The following CLSTN1 variants were observed in gnomAD, a reference collection of about 807,000 sequenced individuals.
CLSTN1 encodes calsyntenin 1.
Under a neutral mutation model 108.3 loss-of-function variants are expected in CLSTN1, and 28 were observed. The observed-to-expected ratio is 0.26, with a 90% confidence interval of 0.19 to 0.35. CLSTN1 has a LOEUF of 0.35. Among genes scored for constraint, CLSTN1 ranks in the 10% least tolerant of loss-of-function variants. CLSTN1 has a pLI of 1.00. For missense variants in CLSTN1, 1,157 were observed against 1,302.6 expected, an observed-to-expected ratio of 0.89 and a Z score of 1.72; for synonymous variants, 524 against 534.9, an observed-to-expected ratio of 0.98 and a Z score of 0.28.
chr1:9,798,043 G>A (rs1198254233), intron 1 of CLSTN1, among the ~76,000 whole-genome samples: 4 of 150,832 alleles, frequency 2.7e-5, no homozygotes, highest in African/African-American at 7.3e-5. Context: ...GCAGTGAGCC[G>A]AGATGGTGCC....
chr1:9,744,715 G>A (rs1458284970), intron 7 of CLSTN1, 72 bp from the exon 8 acceptor site: 109 of 1,494,124 alleles, frequency 7.3e-5, no homozygotes, highest in Middle Eastern at 4.9e-4. Flanking sequence ...CCCCAGGCAC[G>A]TGCTTGTCTT....
At chr1:9,770,047 G>A (rs1652595501) in intron 2 of CLSTN1, among the ~76,000 whole-genome samples, 1 of 149,378 alleles carries the variant, frequency 6.7e-6, no homozygotes, top group Non-Finnish European at 1.5e-5. Context: ...AAAAAAAAGG[G>A]TGATTTTTGT....
rs988729970 is a variant in CLSTN1, at chr1:9,734,432, G to A, written c.2111-290C>T. On this transcript the variant is annotated intron_variant, in intron 14 of 18. Transcript: ENST00000377298. The surrounding 1 kb of genome is among the most constrained non-coding windows in gnomAD (Gnocchi z 4.8). The stretch of plus-strand genomic sequence containing the variant: ...TCTACTAAAAATACAAAAATTAACC[G>A]GGCGTTGTGGCAGGTCCCTGTAATC... 2.0e-5 allele frequency among the ~76,000 whole-genome samples: 3 copies of A among 152,064 alleles called. No homozygotes were observed. The highest frequency in any genetic ancestry group is 7.2e-5 in the African/African-American group (3 of 41,410).
chr1:9,765,583 G>GAA (rs112190704), intron 2 of CLSTN1, among the ~76,000 whole-genome samples: 1 of 141,420 alleles, frequency 7.1e-6, no homozygotes. Flanking sequence ...CTCAAAAAAA[G>GAA]AAAAAAAAAA....
At chr1:9,776,894 C>T (rs187085068) in intron 1 of CLSTN1, among the ~76,000 whole-genome samples, 1 of 151,666 alleles carries the variant, frequency 6.6e-6, no homozygotes, top group African/African-American at 2.4e-5. Flanking sequence ...ATCTATCTAT[C>T]TATCTATCTA....
chr1:9,808,416 C>T (rs1437826684), intron 1 of CLSTN1, among the ~76,000 whole-genome samples: 2 of 152,152 alleles, frequency 1.3e-5, no homozygotes, highest in African/African-American at 2.4e-5. Flanking sequence ...TTCTGACAGT[C>T]ACTTTTGGAG....
chr1:9,731,410 C>A lies in CLSTN1; in HGVS notation c.2564-20G>T, dbSNP rs750939437. The A allele has an allele frequency of 1.2e-6, 2 of 1,611,014 alleles. No homozygotes were observed. The highest frequency in any genetic ancestry group is 1.7e-6 in the Non-Finnish European group (2 of 1,177,600). On this transcript the variant is annotated intron_variant, in intron 17 of 18. Coordinates refer to ENST00000377298, the MANE Select transcript of CLSTN1 (RefSeq NM_001009566.3). ...GGACGACTGTGGGAGAATGAGGGGG[C>A]GGGATGCGAGGTCACTCGGCCCAGA...
chr1:9,751,493 G>A lies in CLSTN1; in HGVS notation c.629C>T (p.Pro210Leu), dbSNP rs1370922864. 1.2e-6 allele frequency: 2 copies of A among 1,614,066 alleles called. No individual in the cohort carries two copies. Among genetic ancestry groups the A allele is most frequent in the African/African-American group, 2.7e-5 (2 of 75,016 alleles). ...CTTACCATCTTTGTCAACAGTAAAG[G>A]GCACGTCTGGAGTGATGATTTCGTA... ...CSYEIITPDV[P>L]FTVDKDGYIK... The change falls in exon 5 of 19, where the codon CCC becomes CTC. Residue 210 changes from proline to leucine, a missense_variant. Transcript: ENST00000377298.
chr1:9,817,842 T>C (rs1432567121), intron 1 of CLSTN1, among the ~76,000 whole-genome samples: 1 of 152,082 alleles, frequency 6.6e-6, no homozygotes, highest in East Asian at 1.9e-4. Flanking sequence ...CAGGGACAAC[T>C]GAAAGCAGCA....
At chr1:9,772,170 A>G (rs1652722073) in intron 2 of CLSTN1, among the ~76,000 whole-genome samples, 2 of 119,776 alleles carry the variant, frequency 1.7e-5, no homozygotes, top group African/African-American at 3.2e-5. Context: ...TTTTTTTAGT[A>G]GAGACGGGGT....
chr1:9,800,880 A>G (rs948542446), intron 1 of CLSTN1, among the ~76,000 whole-genome samples: 2 of 151,992 alleles, frequency 1.3e-5, no homozygotes, highest in African/African-American at 2.4e-5. Flanking sequence ...CGGAGGCTGC[A>G]GTGAGCCGAG....
At chr1:9,790,777 C>T (rs1653729623) in intron 1 of CLSTN1, among the ~76,000 whole-genome samples, 1 of 151,172 alleles carries the variant, frequency 6.6e-6, no homozygotes, top group African/African-American at 2.4e-5. Context: ...GCGACAATCA[C>T]AAGGCTATTT....
In CLSTN1 at chr1:9,734,392, G is replaced by C. The variant is rs1304174461; in HGVS notation, c.2111-250C>G. Among the ~76,000 whole-genome samples the C allele has an allele frequency of 6.6e-6, 1 of 152,088 alleles. No homozygotes were observed. Among genetic ancestry groups the C allele is most frequent in the Admixed American group, 6.6e-5 (1 of 15,254 alleles). ...GAGTTTGAGACCAGCCTGGCCAACA[G>C]GGTGAAAGCCCGTCTCTACTAAAAA... On this transcript the variant is annotated intron_variant, in intron 14 of 18. Coordinates refer to ENST00000377298, the MANE Select transcript of CLSTN1 (RefSeq NM_001009566.3). The surrounding 1 kb of genome is among the most constrained non-coding windows in gnomAD (Gnocchi z 4.8).
chr1:9,734,006 T>C lies in CLSTN1; in HGVS notation c.2247A>G (p.Glu749=). 6.2e-7 allele frequency: 1 copy of C among 1,614,130 alleles called. No homozygotes were observed. Among genetic ancestry groups the C allele is most frequent in the Non-Finnish European group, 8.5e-7 (1 of 1,180,022 alleles). ...TCATGCCCAGTTCAGAGCTGCTCACTTCAATGCCCTTCTGCTGCAGGCGGG... is the reference window on the plus strand; with the variant it reads ...TCATGCCCAGTTCAGAGCTGCTCACCTCAATGCCCTTCTGCTGCAGGCGGG... ...DMARLQQKGI[E]VSSSELGMTF... Residue 749 remains glutamate, a synonymous_variant, in exon 15 of 19, where the codon GAA becomes GAG. Coordinates refer to ENST00000377298, the MANE Select transcript of CLSTN1 (RefSeq NM_001009566.3). This position sits in a 1 kb window ranked among gnomAD's most constrained non-coding sequence, Gnocchi z 4.8.
At chr1:9,803,618 C>T (rs1469234753) in intron 1 of CLSTN1, among the ~76,000 whole-genome samples, 3 of 152,162 alleles carry the variant, frequency 2.0e-5, no homozygotes, top group East Asian at 3.9e-4. Context: ...GTCTGGCCAA[C>T]ATGGTGAAAT....
chr1:9,756,565 A>T (rs1651816048), intron 2 of CLSTN1, 55 bp from the exon 3 acceptor site: 1 of 1,472,348 alleles, frequency 6.8e-7, no homozygotes, highest in East Asian at 2.3e-5. Flanking sequence ...ATGAAGATGG[A>T]ATACACTAAG....
At chr1:9,784,163 A>T (rs1329922765) in intron 1 of CLSTN1, among the ~76,000 whole-genome samples, 4 of 134,380 alleles carry the variant, frequency 3.0e-5, no homozygotes, top group African/African-American at 1.1e-4. Flanking sequence ...CAGGAGCGAA[A>T]CTCTATCTCA....
intron 1 of CLSTN1, among the ~76,000 whole-genome samples, chr1:9,791,793 C>CA (rs1653782990): frequency 6.6e-6 from 1 of 151,290 alleles, no homozygotes; most frequent in Admixed American, 6.7e-5. Context: ...CTCGGCCTCC[C>CA]AAAGTGCTGG....
intron 1 of CLSTN1, among the ~76,000 whole-genome samples, chr1:9,801,182 T>A (rs891737902): frequency 6.6e-6 from 1 of 151,374 alleles, no homozygotes; most frequent in Non-Finnish European, 1.5e-5. Flanking sequence ...GCGGCGGAGG[T>A]TGCAGTAAGC....
Sources: allele counts gnomAD v4.1 joint callset (sites outside exome capture counted in the v4.1 genomes callset), GRCh38; gene constraint gnomAD v4.1.1; non-coding constraint Gnocchi (gnomAD v3.1); transcripts MANE v1.5; gene names NCBI Gene and HGNC (gene_info 2026-07-23, HGNC 2026-07-21).